NEDD8: variants seen among roughly 807,000 people sequenced by gnomAD.
NEDD8 encodes the protein ubiquitin-like protein NEDD8.
In NEDD8, 1 loss-of-function variant was observed where a neutral mutation model predicts 13.8. That is an observed-to-expected ratio of 0.07 (90% confidence interval 0.03 to 0.34). NEDD8 has a LOEUF of 0.34. Among genes scored for constraint, NEDD8 ranks in the 10% least tolerant of loss-of-function variants. The pLI is 0.99. For missense variants in NEDD8, 10 were observed against 95.2 expected (o/e 0.10, Z 3.73); for synonymous variants, 31 against 33.2 (o/e 0.93, Z 0.23).
At chr14:24,228,269 T>A (rs1424728749) in intron 1 of NEDD8, 1 of 152,044 alleles carries the variant, frequency 6.6e-6, no homozygotes, top group African/African-American at 2.4e-5. Context: ...GGTGGGCACT[T>A]GTAGTCCCAG....
intron 3 of NEDD8, among the ~76,000 whole-genome samples, chr14:24,217,505 G>T (rs1208792136): frequency 6.6e-6 from 1 of 152,114 alleles, no homozygotes; most frequent in African/African-American, 2.4e-5. Flanking sequence ...GGCCAGGCTG[G>T]TCTCGAACTC....
At chr14:24,220,884 T>G (rs2039796930) in intron 1 of NEDD8, among the ~76,000 whole-genome samples, 1 of 152,232 alleles carries the variant, frequency 6.6e-6, no homozygotes. Context: ...TGTACACTCC[T>G]ATAGTAGCTC....
intron 1 of NEDD8, chr14:24,231,864 T>C (rs1461231650): frequency 9.2e-6 from 2 of 217,878 alleles, no homozygotes; most frequent in Non-Finnish European, 1.8e-5. Flanking sequence ...GAGAAGCAGG[T>C]ACCCTGGGAA....
rs2039710254 is a variant in NEDD8 at position 24,216,913 on chromosome 14, G to T, written c.*214C>A. The T allele has an allele frequency of 1.9e-6, 1 of 533,702 alleles. No homozygotes were observed. The highest frequency in any genetic ancestry group is 1.9e-5 in the African/African-American group (1 of 52,298). 33.1% of individuals were successfully genotyped at this position (533,702 alleles called of 1,614,324 possible). A position where few individuals can be genotyped will look rare whatever the true frequency, so the allele number is the denominator to read the frequency against. ...ACCAGGGACACAGTCATAAGAGAGG[G>T]AAGCACACAGGACTGCAAACTAACA... On this transcript the variant is annotated 3_prime_UTR_variant, in exon 4 of 4. Transcript: ENST00000250495.
At chr14:24,217,259 A>G (rs2039718474) in intron 3 of NEDD8, 36 bp from the exon 4 acceptor site, 1 of 1,544,160 alleles carries the variant, frequency 6.5e-7, no homozygotes, top group African/African-American at 1.4e-5. Context: ...AAAGAAAAAG[A>G]AGACTTAGGA....
chr14:24,220,031 C>T (rs562136917), intron 1 of NEDD8, among the ~76,000 whole-genome samples: 3 of 152,280 alleles, frequency 2.0e-5, no homozygotes, highest in Admixed American at 2.0e-4. Flanking sequence ...CCCAACTACT[C>T]AGGAGGCTGA....
chr14:24,231,790 G>A (rs1328463594), intron 1 of NEDD8: 1 of 164,028 alleles, frequency 6.1e-6, no homozygotes, highest in African/African-American at 2.4e-5. Context: ...AAGGCTCATA[G>A]TCTAGCCCTT....
At position 24,218,210 on chromosome 14, in the gene NEDD8, C is replaced by T; in HGVS notation, c.72G>A (p.Glu24=). Residue 24 remains glutamate (E), a synonymous_variant, in exon 3 of 4, where the codon GAG becomes GAA. Transcript: ENST00000250495. ...EIDIEPTDKV[E]RIKERVEEKE... ...TCTCCTCCACACGCTCCTTGATTCGCTCCACCTTTAGAGAGACAAGTAGTC... is the reference window on the plus strand; with the variant it reads ...TCTCCTCCACACGCTCCTTGATTCGTTCCACCTTTAGAGAGACAAGTAGTC... The T allele has an allele frequency of 1.9e-6, 3 of 1,614,176 alleles. No individual in the cohort carries two copies. The highest frequency in any genetic ancestry group is 2.5e-6 in the Non-Finnish European group (3 of 1,180,052).
At position 24,229,425 on chromosome 14, in the gene NEDD8, G is replaced by A. The variant is rs557277816; in HGVS notation, c.18+2825C>T. Among the ~76,000 whole-genome samples, 6 of 152,186 alleles carry A rather than the reference G, an allele frequency of 3.9e-5. No individual in the cohort carries two copies. In the East Asian group the frequency reaches 1.2e-3, roughly 29 times the overall value. On this transcript the variant is annotated intron_variant, in intron 1 of 3. Coordinates refer to ENST00000250495, the MANE Select transcript of NEDD8 (RefSeq NM_006156.3). ...AGTAGAGACGGGGTTTCACCATGTT[G>A]GCCAGGCTGGTCTTGAACTCCTGAC...
intron 1 of NEDD8, 132 bp from the exon 2 acceptor site, chr14:24,218,563 G>C: frequency 3.9e-6 from 5 of 1,284,660 alleles, no homozygotes; most frequent in Non-Finnish European, 5.6e-6. Context: ...CACTGCTTTG[G>C]AGAATGAGAA....
At chr14:24,217,315 A>T (rs1183237596) in intron 3 of NEDD8, 92 bp from the exon 4 acceptor site, 1 of 1,080,476 alleles carries the variant, frequency 9.3e-7, no homozygotes, top group Non-Finnish European at 1.4e-6. Flanking sequence ...TTTTTGACAG[A>T]GTCTCGCTCT....
At position 24,232,315 on chromosome 14, in the gene NEDD8, G is replaced by A. The variant is rs1441953764; in HGVS notation, c.-48C>T. The A allele has an allele frequency of 6.3e-7, 1 of 1,596,582 alleles. No homozygotes were observed. The highest frequency in any genetic ancestry group is 8.5e-7 in the Non-Finnish European group (1 of 1,173,636). On this transcript the variant is annotated 5_prime_UTR_variant, in exon 1 of 4. Transcript: ENST00000250495. ...ACACGGATAAATTGCTGCTCCTACC[G>A]CTCCGGTCGCCGCTGCCGCCCTCCA... is the stretch of plus-strand genomic sequence containing the variant.
chr14:24,228,686 C>A (rs2039937762), intron 1 of NEDD8: 1 of 144,410 alleles, frequency 6.9e-6, no homozygotes, highest in Non-Finnish European at 1.5e-5. Flanking sequence ...ACCACTGCAC[C>A]CTAAGCCTGG....
intron 1 of NEDD8, chr14:24,227,517 T>C (rs1009662373): frequency 6.6e-6 from 1 of 151,956 alleles, no homozygotes; most frequent in Non-Finnish European, 1.5e-5. Flanking sequence ...GTAATGGAGA[T>C]GGAAACAAAA....
intron 1 of NEDD8, among the ~76,000 whole-genome samples, chr14:24,221,287 CT>C (rs35302229): frequency 0.12 from 16,542 of 140,100 alleles, 2,524 homozygotes; most frequent in African/African-American, 0.38. Flanking sequence ...ATTTCACTTT[CT>C]TTTTTTTTTT....
intron 1 of NEDD8, among the ~76,000 whole-genome samples, chr14:24,229,370 C>A (rs1220261717): frequency 1.3e-5 from 2 of 152,060 alleles, no homozygotes; most frequent in Non-Finnish European, 2.9e-5. Flanking sequence ...CAGGTGTGTG[C>A]CACCACACTC....
chr14:24,226,983 T>C (rs908578935), intron 1 of NEDD8: 3 of 152,200 alleles, frequency 2.0e-5, no homozygotes, highest in South Asian at 2.1e-4. Context: ...ATATAATTCA[T>C]CCAATGGAAT....
At chr14:24,232,058 G>T in intron 1 of NEDD8, 192 bp downstream of exon 1, 1 of 790,508 alleles carries the variant, frequency 1.3e-6, no homozygotes, top group Non-Finnish European at 1.9e-6. Flanking sequence ...AGGGTCGTCA[G>T]GTGGGACCTG....
chr14:24,231,166 C>A (rs2040004058), intron 1 of NEDD8, among the ~76,000 whole-genome samples: 1 of 152,194 alleles, frequency 6.6e-6, no homozygotes, highest in Non-Finnish European at 1.5e-5. Context: ...GCTGGGATTA[C>A]AGGCGTGAGC....
Sources: gnomAD v4.1 joint callset for allele counts (sites outside exome capture counted in the v4.1 genomes callset) on GRCh38, gnomAD v4.1.1 for gene constraint, MANE v1.5 for transcripts, NCBI Gene and HGNC (gene_info 2026-07-23, HGNC 2026-07-21) for gene names.